TRPC5: variants seen among roughly 807,000 people sequenced by gnomAD.
The protein encoded by TRPC5 is transient receptor potential cation channel subfamily C member 5, also known as short transient receptor potential channel 5.
A neutral mutation model predicts 56.5 loss-of-function variants in TRPC5; 9 were observed. That is an observed-to-expected ratio of 0.16 (90% confidence interval 0.10 to 0.28). The LOEUF is 0.28. Ranked by LOEUF, TRPC5 falls within the 10% of genes least tolerant of loss-of-function variation. The pLI is 1.00. For missense variants in TRPC5, 469 were observed against 748.9 expected (o/e 0.63, Z 4.36); for synonymous variants, 282 against 278.5 (o/e 1.01, Z -0.13).
intron 7 of TRPC5, among the ~76,000 whole-genome samples, chrX:111,789,736 C>T (rs183931050): frequency 8.9e-6 from 1 of 112,155 alleles, no homozygotes; most frequent in East Asian, 2.8e-4. Context: ...GCAACCCCAT[C>T]AAAAATGGGC....
At chrX:112,058,150 G>A (rs1930382389) in intron 1 of TRPC5, among the ~76,000 whole-genome samples, 1 of 111,635 alleles carries the variant, frequency 9.0e-6, no homozygotes, top group South Asian at 3.8e-4. Flanking sequence ...CCTACCCAGT[G>A]AAGAAAGAAT....
intron 2 of TRPC5, among the ~76,000 whole-genome samples, chrX:111,936,575 A>G (rs1360824684): frequency 9.5e-6 from 1 of 105,760 alleles, no homozygotes; most frequent in Non-Finnish European, 1.9e-5. Flanking sequence ...ATTCCCACCT[A>G]TGAGTGAGAA....
intron 7 of TRPC5, among the ~76,000 whole-genome samples, chrX:111,791,147 A>G (rs746289672): frequency 1.0e-4 from 11 of 108,256 alleles, no homozygotes; most frequent in Non-Finnish European, 1.9e-4. Flanking sequence ...GGTTGTGACT[A>G]CACTGCAGCC....
chrX:112,078,263 C>G (rs1223901768), intron 1 of TRPC5, among the ~76,000 whole-genome samples: 2 of 111,621 alleles, frequency 1.8e-5, no homozygotes, highest in Non-Finnish European at 3.8e-5. Context: ...AGGTAAGTCA[C>G]AAAGATATGA....
rs778007293 is a variant in TRPC5, at chrX:111,861,667, G to A, written c.901-7561C>T. Among the ~76,000 whole-genome samples, 135 of 111,359 alleles carry A rather than the reference G, an allele frequency of 1.2e-3. 1 individual carries two copies. Among genetic ancestry groups the A allele is most frequent in the African/African-American group, 4.2e-3 (128 of 30,750 alleles). ...TATTTTGTAATTTGGGCAAAGTAGCGCTGAAATATAATGCTTTTTTCTTTC... is the reference window on the plus strand; with the variant it reads ...TATTTTGTAATTTGGGCAAAGTAGCACTGAAATATAATGCTTTTTTCTTTC... On this transcript the variant is annotated intron_variant, in intron 3 of 10. Coordinates refer to ENST00000262839, the MANE Select transcript of TRPC5 (RefSeq NM_012471.3).
At chrX:111,801,702 G>A (rs1026162539) in intron 7 of TRPC5, among the ~76,000 whole-genome samples, 1 of 111,980 alleles carries the variant, frequency 8.9e-6, no homozygotes, top group East Asian at 2.8e-4. Context: ...TTGGAGAAAT[G>A]TCATTTCATA....
At chrX:112,003,125 C>G (rs111717601) in intron 1 of TRPC5, among the ~76,000 whole-genome samples, 10,514 of 111,086 alleles carry the variant, frequency 0.095, 780 homozygotes, top group African/African-American at 0.26. Flanking sequence ...CTAGGTATTG[C>G]GTATATAATG....
chrX:112,037,729 A>T (rs940892743), intron 1 of TRPC5, among the ~76,000 whole-genome samples: 1 of 111,879 alleles, frequency 8.9e-6, no homozygotes, highest in East Asian at 2.8e-4. Context: ...TTTAAAAAAA[A>T]GTTAGGTTAT....
intron 7 of TRPC5, among the ~76,000 whole-genome samples, chrX:111,785,470 A>G (rs1239126722): frequency 5.4e-5 from 6 of 110,997 alleles, no homozygotes; most frequent in African/African-American, 2.0e-4. Context: ...CCAGAGCAGA[A>G]AAGCTGAAGA....
chrX:111,809,192 C>A (rs942585429), intron 7 of TRPC5, among the ~76,000 whole-genome samples: 4 of 111,071 alleles, frequency 3.6e-5, no homozygotes, highest in African/African-American at 1.3e-4. Flanking sequence ...CCCAAGTCTG[C>A]TTGCATCATG....
chrX:111,990,870 G>C (rs1471541165), intron 1 of TRPC5, among the ~76,000 whole-genome samples: 1 of 112,041 alleles, frequency 8.9e-6, no homozygotes, highest in Non-Finnish European at 1.9e-5. Flanking sequence ...TGTTTTCTCT[G>C]CAGAAATTCC....
At chrX:112,034,137 T>C (rs925438262) in intron 1 of TRPC5, among the ~76,000 whole-genome samples, 6 of 111,405 alleles carry the variant, frequency 5.4e-5, no homozygotes, top group Non-Finnish European at 1.1e-4. Context: ...TGATATGAAT[T>C]TGAGGATAAG....
At chrX:111,877,274 G>T (rs1316446467) in intron 3 of TRPC5, among the ~76,000 whole-genome samples, 1 of 111,925 alleles carries the variant, frequency 8.9e-6, no homozygotes, top group Non-Finnish European at 1.9e-5. Context: ...TGAGTAGGTG[G>T]AAGGCAAAGA....
At chrX:112,050,373 A>C (rs1466938515) in intron 1 of TRPC5, among the ~76,000 whole-genome samples, 2 of 112,577 alleles carry the variant, frequency 1.8e-5, no homozygotes, top group Non-Finnish European at 3.7e-5. Context: ...TGAAAGACAA[A>C]GTAGTAATTA....
intron 7 of TRPC5, among the ~76,000 whole-genome samples, chrX:111,785,271 G>C (rs955650739): frequency 5.6e-4 from 63 of 111,770 alleles, no homozygotes; most frequent in African/African-American, 2.0e-3. Context: ...AGGTAAACAG[G>C]GTCTGGAGTG....
chrX:111,997,550 G>C (rs1361365066), intron 1 of TRPC5, among the ~76,000 whole-genome samples: 8 of 110,995 alleles, frequency 7.2e-5, no homozygotes, highest in Non-Finnish European at 1.3e-4. Context: ...TGCTAGGTTG[G>C]GGGAAGTTCT....
At chrX:111,790,166 C>T (rs1451218018) in intron 7 of TRPC5, among the ~76,000 whole-genome samples, 1 of 111,847 alleles carries the variant, frequency 8.9e-6, no homozygotes, top group Non-Finnish European at 1.9e-5. Flanking sequence ...ACCCAAATGT[C>T]CATCAATGAT....
chrX:111,961,570 T>G (rs1180664674), intron 1 of TRPC5, among the ~76,000 whole-genome samples: 1 of 112,264 alleles, frequency 8.9e-6, no homozygotes, highest in Non-Finnish European at 1.9e-5. Flanking sequence ...TCAGGTATAC[T>G]ACAATGTATT....
chrX:111,842,120 T>TATA (rs1922763433), intron 6 of TRPC5, among the ~76,000 whole-genome samples: 9 of 80,611 alleles, frequency 1.1e-4, no homozygotes, highest in African/African-American at 9.3e-4. Flanking sequence ...TATATATATT[T>TATA]TATATATATA....
Sources: gnomAD v4.1 joint callset for allele counts (sites outside exome capture counted in the v4.1 genomes callset) on GRCh38, gnomAD v4.1.1 for gene constraint, MANE v1.5 for transcripts, NCBI Gene and HGNC (gene_info 2026-07-23, HGNC 2026-07-21) for gene names.